The following ALDH3A2 variants were observed in gnomAD, a reference collection of about 807,000 sequenced individuals.
ALDH3A2 encodes the protein aldehyde dehydrogenase 3 family member A2.
ALDH3A2 carries 36 observed loss-of-function variants against 51.3 expected under a neutral mutation model. The observed-to-expected ratio is 0.70, with a 90% CI of 0.54 to 0.93. The LOEUF is 0.93. ALDH3A2 is among the 40% of genes least tolerant of loss of function. The pLI is 0.00. For missense variants in ALDH3A2, 552 were observed against 603.1 expected, an observed-to-expected ratio of 0.92 and a Z score of 0.89; for synonymous variants, 199 against 219.8, an observed-to-expected ratio of 0.91 and a Z score of 0.84.
Position 19,648,990 on chromosome 17 carries a change from C to CT in ALDH3A2, c.19_20insT (p.Arg7LeufsTer47). 1 of 1,586,648 alleles carries CT rather than the reference C, an allele frequency of 6.3e-7. No individual in the cohort carries two copies. Among genetic ancestry groups the CT allele is most frequent in the Non-Finnish European group, 8.6e-7 (1 of 1,167,372 alleles). On this transcript the variant is annotated frameshift_variant, in exon 1 of 10. Transcript: ENST00000176643. LOFTEE classifies it high-confidence loss of function. ...CCAGGCCATGGAGCTCGAAGTCCGG[C>CT]GGGTCCGACAGGCGTTCCTGTCCGG...
At chr17:19,673,677 CA>C (rs1220605230) in intron 9 of ALDH3A2, among the ~76,000 whole-genome samples, 1 of 151,896 alleles carries the variant, frequency 6.6e-6, no homozygotes, top group Non-Finnish European at 1.5e-5. Context: ...AAGATTGTGC[CA>C]CTGCACTCCA....
chr17:19,668,397 G>A (rs1165098683), intron 8 of ALDH3A2, among the ~76,000 whole-genome samples: 1 of 151,832 alleles, frequency 6.6e-6, no homozygotes, highest in Admixed American at 6.6e-5. Context: ...ACAGGCACCC[G>A]ACACCACTCC....
intron 3 of ALDH3A2, among the ~76,000 whole-genome samples, chr17:19,653,027 T>C (rs946215116): frequency 4.6e-5 from 7 of 152,116 alleles, no homozygotes; most frequent in African/African-American, 1.4e-4. Flanking sequence ...AATGTACTTT[T>C]CTGTGATTAT....
At position 19,656,422 on chromosome 17, in the gene ALDH3A2, G is replaced by A. The variant is rs944597535; in HGVS notation, c.528G>A (p.Gln176=). Residue 176 remains glutamine, a synonymous_variant, in exon 4 of 10, where the codon CAG becomes CAA. Coordinates refer to ENST00000176643, the MANE Select transcript of ALDH3A2 (RefSeq NM_000382.3). ...AGGAAACCACGGAGCTCCTGAAGCA[G>A]CGATTTGACCACATTTTCTATACGG... ...GVEETTELLK[Q]RFDHIFYTGN... is the part of the protein sequence containing the mutation. The A allele has an allele frequency of 1.9e-6, 3 of 1,614,058 alleles. No homozygotes were observed. Among genetic ancestry groups the A allele is most frequent in the Admixed American group, 3.3e-5 (2 of 60,000 alleles).
intron 1 of ALDH3A2, 158 bp downstream of exon 1, chr17:19,649,282 G>A: frequency 1.0e-6 from 1 of 994,050 alleles, no homozygotes; most frequent in Non-Finnish European, 1.4e-6. Flanking sequence ...AGTTCCCGCA[G>A]ACTTTCCCGG....
rs367861279 is a variant in ALDH3A2, at chr17:19,673,859, G to A, written c.1444-1699G>A. On this transcript the variant is annotated intron_variant, in intron 9 of 9. Coordinates refer to ENST00000176643, the MANE Select transcript of ALDH3A2 (RefSeq NM_000382.3). ...GTGACTTGCTAGGAATCTAAGAGAA[G>A]TGTGCAGAGGCAATGGCTTAGCTGC... 2.4e-4 allele frequency among the ~76,000 whole-genome samples: 36 copies of A among 152,314 alleles called. 1 individual carries two copies. In the South Asian group the frequency reaches 7.4e-3, roughly 32 times the overall value.
At chr17:19,653,535 C>T (rs1039593343) in intron 3 of ALDH3A2, among the ~76,000 whole-genome samples, 5 of 151,988 alleles carry the variant, frequency 3.3e-5, no homozygotes, top group African/African-American at 9.7e-5. Flanking sequence ...TGCAGACCTT[C>T]GTGGTGAGTG....
At chr17:19,666,147 G>C (rs1327898993) in intron 8 of ALDH3A2, among the ~76,000 whole-genome samples, 2 of 152,096 alleles carry the variant, frequency 1.3e-5, no homozygotes, top group Non-Finnish European at 2.9e-5. Flanking sequence ...ATAGTGGAAA[G>C]GGAAGGGGGT....
Position 19,665,019 on chromosome 17 carries a change from G to A in ALDH3A2, c.1179G>A (p.Thr393=), listed in dbSNP as rs372428552. ...VTGNDVIMHF[T]LNSFPFGGVG... ...GCAATGACGTCATTATGCACTTCAC[G>A]CTCAACTCTTTCCCATTTGGAGGAG... is the stretch of plus-strand genomic sequence containing the variant. The change falls in exon 8 of 10, where the codon ACG becomes ACA. Residue 393 remains threonine (T), a synonymous_variant. Transcript: ENST00000176643. The A allele has an allele frequency of 1.2e-5, 20 of 1,613,878 alleles. No homozygotes were observed. In the African/African-American group the frequency reaches 1.3e-4, roughly 11 times the overall value.
In ALDH3A2 at chr17:19,649,018, G is replaced by A; in HGVS notation, c.47G>A (p.Arg16Gln). 1.9e-6 allele frequency: 3 copies of A among 1,582,402 alleles called. No individual in the cohort carries two copies. Among genetic ancestry groups the A allele is most frequent in the Middle Eastern group, 1.7e-4 (1 of 5,934 alleles). The change falls in exon 1 of 10, where the codon CGG becomes CAG. Residue 16 changes from arginine to glutamine, a missense_variant. Coordinates refer to ENST00000176643, the MANE Select transcript of ALDH3A2 (RefSeq NM_000382.3). ...RRVRQAFLSGRSRPLRFRLQQ... is the reference protein window; with the variant it reads ...RRVRQAFLSGQSRPLRFRLQQ... Reference sequence around the variant, plus strand: ...GTCCGACAGGCGTTCCTGTCCGGCCGGTCGCGACCTCTGCGGTTTCGGCTG... The same window carrying A: ...GTCCGACAGGCGTTCCTGTCCGGCCAGTCGCGACCTCTGCGGTTTCGGCTG...
intron 9 of ALDH3A2, chr17:19,673,215 G>C: frequency 6.2e-7 from 1 of 1,614,088 alleles, no homozygotes; most frequent in East Asian, 2.2e-5. Context: ...AGACTGCGTT[G>C]GTCCAGTAAG....
In ALDH3A2 at chr17:19,657,861, AG is replaced by A. The variant is rs757359379; in HGVS notation, c.798+1del. Reference sequence around the variant, plus strand: ...GTATGGAAGATTAAGGAAACAGTGAAGGTTTGTATTAAAAACATCTGATTCC... The same window carrying A: ...GTATGGAAGATTAAGGAAACAGTGAAGTTTGTATTAAAAACATCTGATTCC... ...QIVWKIKETV[K>X]EFYGENIKES... On this transcript the variant is annotated frameshift_variant and splice_region_variant, in exon 5 of 10. Transcript: ENST00000176643. LOFTEE classifies it high-confidence loss of function. 6.3e-6 allele frequency: 10 copies of A among 1,592,812 alleles called. No individual in the cohort carries two copies. In the South Asian group the frequency reaches 7.7e-5, roughly 12 times the overall value.
In ALDH3A2 at chr17:19,677,530, C is replaced by T. The variant is rs2085210174; in HGVS notation, c.*1958C>T. On this transcript the variant is annotated 3_prime_UTR_variant, in exon 10 of 10. Coordinates refer to ENST00000176643, the MANE Select transcript of ALDH3A2 (RefSeq NM_000382.3). ...TCCTGGTATGGAACCTCAGATATAC[C>T]CTATTGGAGACAATCCTTTGATCAT... is the stretch of plus-strand genomic sequence containing the variant. The T allele has an allele frequency of 6.6e-6, 1 of 152,020 alleles. No individual in the cohort carries two copies. The allele number at this position is 152,020 out of a possible 1,614,324, so 9.4% of individuals were successfully genotyped here.
At position 19,654,719 on chromosome 17, in the gene ALDH3A2, A is replaced by G. The variant is rs535632761; in HGVS notation, c.472-1647A>G. On this transcript the variant is annotated intron_variant, in intron 3 of 9. Coordinates refer to ENST00000176643, the MANE Select transcript of ALDH3A2 (RefSeq NM_000382.3). The surrounding 1 kb of genome is among the most constrained non-coding windows in gnomAD (Gnocchi z 4.5). ...TCTCCCTCCACACCTTCCCACAAGC[A>G]GAAGGAGCCGGCTCCAGCCTTGGCC... Among the ~76,000 whole-genome samples the G allele has an allele frequency of 4.6e-5, 7 of 152,000 alleles. No individual in the cohort carries two copies. Among genetic ancestry groups the G allele is most frequent in the Non-Finnish European group, 8.8e-5 (6 of 67,954 alleles).
rs1044484282 is a variant in ALDH3A2 at position 19,654,668 on chromosome 17, G to A, written c.472-1698G>A. ...ACTCGCTCTGGCTTGTGAGCGCCAC[G>A]CGCAGCCCCGGTTCCTGCCTGCGCC... On this transcript the variant is annotated intron_variant, in intron 3 of 9. Transcript: ENST00000176643. This position sits in a 1 kb window ranked among gnomAD's most constrained non-coding sequence, Gnocchi z 4.5. Among the ~76,000 whole-genome samples the A allele has an allele frequency of 3.3e-5, 5 of 151,884 alleles. No individual in the cohort carries two copies. Among genetic ancestry groups the A allele is most frequent in the East Asian group, 3.9e-4 (2 of 5,110 alleles).
At chr17:19,649,238 GGAGTAT>G in intron 1 of ALDH3A2, 114 bp downstream of exon 1, 1 of 1,389,582 alleles carries the variant, frequency 7.2e-7, no homozygotes, top group Non-Finnish European at 9.7e-7. Context: ...TCCAGCACTG[GGAGTAT>G]GATCTCCAGC....
intron 3 of ALDH3A2, chr17:19,655,379 A>C (rs1361350733): frequency 6.6e-6 from 1 of 152,204 alleles, no homozygotes. Context: ...CAGAAGATAG[A>C]GGTTGAAGGT....
At chr17:19,672,131 A>T (rs1416895533) in intron 9 of ALDH3A2, among the ~76,000 whole-genome samples, 175 bp downstream of exon 9, 1 of 152,176 alleles carries the variant, frequency 6.6e-6, no homozygotes, top group Non-Finnish European at 1.5e-5. Context: ...ACACAGCCAC[A>T]CCCACTTGTT....
chr17:19,668,577 T>C (rs539969803), intron 8 of ALDH3A2, among the ~76,000 whole-genome samples: 1 of 152,036 alleles, frequency 6.6e-6, no homozygotes, highest in South Asian at 2.1e-4. Flanking sequence ...GTTTTTTGGT[T>C]TCCGATTTGG....
Sources: allele counts gnomAD v4.1 joint callset (sites outside exome capture counted in the v4.1 genomes callset), GRCh38; gene constraint gnomAD v4.1.1; non-coding constraint Gnocchi (gnomAD v3.1); transcripts MANE v1.5; gene names NCBI Gene and HGNC (gene_info 2026-07-23, HGNC 2026-07-21).